LMCD1: variants seen among roughly 807,000 people sequenced by gnomAD.
LMCD1 encodes LIM and cysteine rich domains 1.
A neutral mutation model predicts 42.7 loss-of-function variants in LMCD1; 32 were observed. The ratio of observed to expected loss-of-function variants is 0.75; its 90% CI spans 0.57 to 1.01. The LOEUF (loss-of-function observed/expected upper bound fraction) is 1.01, where lower values mean the gene tolerates loss of function less well. Ranked by LOEUF, LMCD1 falls within the 50% of genes least tolerant of loss-of-function variation. LMCD1 has a pLI of 0.00. For synonymous variants in LMCD1, 178 were observed against 184.9 expected, an observed-to-expected ratio of 0.96 and a Z score of 0.30; for missense variants, 458 against 483.1, an observed-to-expected ratio of 0.95 and a Z score of 0.49.
At position 8,569,633 on chromosome 3, in the gene LMCD1, T is replaced by C. The variant is rs1187040871; in HGVS notation, c.*2035T>C. 6.6e-6 allele frequency: 1 copy of C among 152,164 alleles called. No homozygotes were observed. Among genetic ancestry groups the C allele is most frequent in the Admixed American group, 6.5e-5 (1 of 15,278 alleles). The allele number at this position is 152,164 out of a possible 1,614,324, so 9.4% of individuals were successfully genotyped here. ...GGAAGATTTGTGTTACTATAATGCA[T>C]GTAAACTGGACTTAGGAATATCGAG... is the stretch of plus-strand genomic sequence containing the variant. On this transcript the variant is annotated 3_prime_UTR_variant, in exon 6 of 6. Coordinates refer to ENST00000157600, the MANE Select transcript of LMCD1 (RefSeq NM_014583.4).
intron 2 of LMCD1, among the ~76,000 whole-genome samples, chr3:8,533,846 G>A (rs1301014580): frequency 2.0e-5 from 3 of 151,870 alleles, no homozygotes; most frequent in Non-Finnish European, 4.4e-5. Flanking sequence ...AGTACACAGG[G>A]CTATGAGCTT....
intron 4 of LMCD1, among the ~76,000 whole-genome samples, chr3:8,555,980 T>G (rs1038820264): frequency 1.3e-5 from 2 of 152,180 alleles, no homozygotes; most frequent in Non-Finnish European, 2.9e-5. Context: ...CACAGATGGA[T>G]GCAGTTTGCT....
intron 3 of LMCD1, among the ~76,000 whole-genome samples, chr3:8,543,472 C>G (rs1169161566): frequency 2.0e-5 from 3 of 151,340 alleles, no homozygotes; most frequent in Non-Finnish European, 4.4e-5. Context: ...GACAGACAGA[C>G]AGATAGACAG....
rs1471643654 is a variant in LMCD1 at position 8,570,141 on chromosome 3, T to C, written c.*2543T>C. 2.0e-5 allele frequency: 3 copies of C among 152,444 alleles called. No individual in the cohort carries two copies. Among genetic ancestry groups the C allele is most frequent in the African/African-American group, 4.8e-5 (2 of 41,436 alleles). 9.4% of individuals were successfully genotyped at this position (152,444 alleles called of 1,614,324 possible). ...GGTGTTGGAGATACAGTGGTGAACA[T>C]GGCCCATGGATGGAACTGAAAGAAA... On this transcript the variant is annotated 3_prime_UTR_variant, in exon 6 of 6. Coordinates refer to ENST00000157600, the MANE Select transcript of LMCD1 (RefSeq NM_014583.4).
chr3:8,553,227 G>A (rs936056312), intron 4 of LMCD1, among the ~76,000 whole-genome samples: 3 of 151,366 alleles, frequency 2.0e-5, no homozygotes, highest in African/African-American at 4.9e-5. Flanking sequence ...CACACCAGCT[G>A]TGAGCTCCCT....
chr3:8,567,675 G>A lies in LMCD1; in HGVS notation c.*77G>A, dbSNP rs574928617. 40 of 1,421,878 alleles carry A rather than the reference G, an allele frequency of 2.8e-5. No homozygotes were observed. The South Asian group carries it at 5.0e-4, about 18-fold the overall frequency. 88.1% of individuals were successfully genotyped at this position (1,421,878 alleles called of 1,614,324 possible). A position where few individuals can be genotyped will look rare whatever the true frequency, so the allele number is the denominator to read the frequency against. ...CCAGGTGTGCCGAGACCATCCTAAG[G>A]GTCCGATGTGACAGCAAGCAAGTGA... On this transcript the variant is annotated 3_prime_UTR_variant, in exon 6 of 6. Coordinates refer to ENST00000157600, the MANE Select transcript of LMCD1 (RefSeq NM_014583.4).
intron 1 of LMCD1, among the ~76,000 whole-genome samples, chr3:8,512,090 G>A (rs925469693): frequency 5.9e-5 from 9 of 152,180 alleles, no homozygotes; most frequent in Non-Finnish European, 8.8e-5. Flanking sequence ...TGAAAACACC[G>A]TTCAGAACAC....
chr3:8,510,859 A>G (rs1222396517), intron 1 of LMCD1, among the ~76,000 whole-genome samples: 22 of 152,230 alleles, frequency 1.4e-4, no homozygotes, highest in Admixed American at 1.4e-3. Context: ...AGATATTCTC[A>G]TGTCAGATAG....
chr3:8,526,227 A>C (rs1375601726), intron 1 of LMCD1, among the ~76,000 whole-genome samples: 2 of 152,192 alleles, frequency 1.3e-5, no homozygotes, highest in Non-Finnish European at 2.9e-5. Context: ...TTCCATTTGT[A>C]ATTTTACATT....
chr3:8,572,453 T>C lies in LMCD1; in HGVS notation c.*4855T>C, dbSNP rs116190495. On this transcript the variant is annotated 3_prime_UTR_variant, in exon 6 of 6. Coordinates refer to ENST00000157600, the MANE Select transcript of LMCD1 (RefSeq NM_014583.4). ...TTGAGACTATGTCAATGTCCTGTTC[T>C]TCATCAAAATTCCACTCACTCATTC... is the stretch of plus-strand genomic sequence containing the variant. The C allele has an allele frequency of 6.6e-6, 1 of 152,216 alleles. No individual in the cohort carries two copies. The highest frequency in any genetic ancestry group is 6.5e-5 in the Admixed American group (1 of 15,282). 9.4% of individuals were successfully genotyped at this position (152,216 alleles called of 1,614,324 possible). A position where few individuals can be genotyped will look rare whatever the true frequency, so the allele number is the denominator to read the frequency against.
chr3:8,526,470 CCAAA>C (rs1382201834), intron 1 of LMCD1, among the ~76,000 whole-genome samples: 3 of 148,826 alleles, frequency 2.0e-5, no homozygotes, highest in East Asian at 1.9e-4. Flanking sequence ...ATCCTAGGCA[CCAAA>C]CAGTCTAGTG....
At chr3:8,565,358 A>G in intron 4 of LMCD1, 74 bp from the exon 5 acceptor site, 1 of 1,321,858 alleles carries the variant, frequency 7.6e-7, no homozygotes, top group Non-Finnish European at 1.1e-6. Context: ...GAAAGGCTGG[A>G]GCTGGAATTC....
intron 1 of LMCD1, among the ~76,000 whole-genome samples, chr3:8,514,730 C>A (rs1694067277): frequency 6.6e-6 from 1 of 152,050 alleles, no homozygotes; most frequent in African/African-American, 2.4e-5. Flanking sequence ...ACATGTTAGA[C>A]AGAAAAAGAA....
chr3:8,552,351 T>C (rs546937710), intron 4 of LMCD1, among the ~76,000 whole-genome samples: 1 of 152,314 alleles, frequency 6.6e-6, no homozygotes, highest in East Asian at 1.9e-4. Flanking sequence ...AAAAGGATCA[T>C]GTGGCTGGCT....
chr3:8,506,216 G>A (rs557410596), intron 1 of LMCD1, among the ~76,000 whole-genome samples: 1 of 152,264 alleles, frequency 6.6e-6, no homozygotes, highest in African/African-American at 2.4e-5. Context: ...AGCTTCATCA[G>A]ATTATCTTCA....
intron 1 of LMCD1, among the ~76,000 whole-genome samples, chr3:8,532,406 G>T (rs182028711): frequency 2.0e-5 from 3 of 152,130 alleles, no homozygotes; most frequent in African/African-American, 7.2e-5. Context: ...GGGTGAGGGT[G>T]GGGGATGGAA....
At chr3:8,567,325 A>C in intron 5 of LMCD1, 115 bp from the exon 6 acceptor site, 1 of 1,067,798 alleles carries the variant, frequency 9.4e-7, no homozygotes, top group African/African-American at 1.6e-5. Context: ...AGGCTTTAAA[A>C]GGTCAAAACA....
In LMCD1 at chr3:8,537,254, G is replaced by A. The variant is rs769862308; in HGVS notation, c.201G>A (p.Arg67=). ...TAACATCTGACCTAGAAGACGATCG[G>A]AAAATTGGCCGCTTGCTGATGGACT... is the stretch of plus-strand genomic sequence containing the variant. ...HCLTSDLEDD[R]KIGRLLMDSK... Residue 67 remains arginine (R), a synonymous_variant, in exon 3 of 6, where the codon CGG becomes CGA. Coordinates refer to ENST00000157600, the MANE Select transcript of LMCD1 (RefSeq NM_014583.4). 6.2e-7 allele frequency: 1 copy of A among 1,614,144 alleles called. No homozygotes were observed. The highest frequency in any genetic ancestry group is 8.5e-7 in the Non-Finnish European group (1 of 1,180,028).
chr3:8,560,935 T>C (rs533654375), intron 4 of LMCD1, among the ~76,000 whole-genome samples: 1 of 152,364 alleles, frequency 6.6e-6, no homozygotes, highest in East Asian at 1.9e-4. Flanking sequence ...ATTCCTTATA[T>C]AGGCAGTCAT....
Sources: allele counts gnomAD v4.1 joint callset (sites outside exome capture counted in the v4.1 genomes callset), GRCh38; gene constraint gnomAD v4.1.1; transcripts MANE v1.5; gene names NCBI Gene and HGNC (gene_info 2026-07-23, HGNC 2026-07-21).